SLC35F4: variants seen among roughly 807,000 people sequenced by gnomAD.
The protein encoded by SLC35F4 is solute carrier family 35 member F4.
In SLC35F4, 24 loss-of-function variants were observed where a neutral mutation model predicts 44.2. The ratio of observed to expected loss-of-function variants is 0.54; its 90% CI spans 0.39 to 0.76. The LOEUF is 0.76. Ranked by LOEUF, SLC35F4 falls within the 30% of genes least tolerant of loss-of-function variation. SLC35F4 has a pLI of 0.00. For missense variants in SLC35F4, 562 were observed against 586.1 expected, an observed-to-expected ratio of 0.96 and a Z score of 0.42; for synonymous variants, 238 against 223.6, an observed-to-expected ratio of 1.06 and a Z score of -0.57.
At chr14:57,944,698 AGAAAG>A (rs1273442657) in intron 1 of SLC35F4, among the ~76,000 whole-genome samples, 1 of 50,876 alleles carries the variant, frequency 2.0e-5, no homozygotes, top group Non-Finnish European at 4.6e-5. Flanking sequence ...AAGAAAGAAA[AGAAAG>A]AAAGAAAGAA....
intron 4 of SLC35F4, among the ~76,000 whole-genome samples, chr14:57,577,709 G>A (rs1028681189): frequency 2.0e-5 from 3 of 151,570 alleles, no homozygotes; most frequent in Admixed American, 1.3e-4. Context: ...TGGTTCTTAC[G>A]AATTTAAGAA....
At chr14:57,809,192 T>G (rs948880573) in intron 1 of SLC35F4, among the ~76,000 whole-genome samples, 5 of 152,198 alleles carry the variant, frequency 3.3e-5, no homozygotes, top group African/African-American at 4.8e-5. Context: ...ACTGTATCTG[T>G]GAAACCAAGG....
chr14:57,868,632 C>A (rs527823693), upstream of SLC35F4, among the ~76,000 whole-genome samples: 4 of 152,024 alleles, frequency 2.6e-5, no homozygotes, highest in Non-Finnish European at 4.4e-5. Flanking sequence ...CCCGACACCA[C>A]GCCCAGCTAA....
chr14:57,632,966 T>G (rs1025084318), intron 1 of SLC35F4, among the ~76,000 whole-genome samples: 1 of 152,096 alleles, frequency 6.6e-6, no homozygotes, highest in African/African-American at 2.4e-5. Context: ...TTCCAGAATG[T>G]CATATCATTG....
At chr14:57,904,447 C>T (rs993138824) in intron 1 of SLC35F4, among the ~76,000 whole-genome samples, 17 of 152,200 alleles carry the variant, frequency 1.1e-4, no homozygotes, top group Non-Finnish European at 1.9e-4. Flanking sequence ...CCATGTTCCA[C>T]TCCAAGATTG....
intron 1 of SLC35F4, among the ~76,000 whole-genome samples, chr14:57,731,498 C>G (rs2076343871): frequency 6.6e-6 from 1 of 152,106 alleles, no homozygotes; most frequent in Non-Finnish European, 1.5e-5. Context: ...TTTGCCAGAG[C>G]CTTTTTCTTT....
At chr14:57,838,177 T>C (rs900383235) in intron 1 of SLC35F4, among the ~76,000 whole-genome samples, 1 of 152,164 alleles carries the variant, frequency 6.6e-6, no homozygotes, top group Non-Finnish European at 1.5e-5. Context: ...AAAGGTTCTA[T>C]GAGCTCAGGT....
chr14:57,667,754 T>G (rs1378889799), intron 1 of SLC35F4, among the ~76,000 whole-genome samples: 1 of 151,668 alleles, frequency 6.6e-6, no homozygotes, highest in Non-Finnish European at 1.5e-5. Context: ...TTTGGGTTGG[T>G]TCCGAGTCTT....
chr14:57,714,597 C>G (rs760501169), intron 1 of SLC35F4, among the ~76,000 whole-genome samples: 1 of 152,088 alleles, frequency 6.6e-6, no homozygotes, highest in African/African-American at 2.4e-5. Flanking sequence ...AGAATGCAAA[C>G]GATATTGCCT....
intron 1 of SLC35F4, chr14:57,595,735 C>G (rs769002991): frequency 1.3e-5 from 2 of 152,144 alleles, no homozygotes; most frequent in East Asian, 3.9e-4. Context: ...TACTGAGTAC[C>G]TTTGATTTGT....
At chr14:57,669,559 A>G (rs1372796819) in intron 1 of SLC35F4, among the ~76,000 whole-genome samples, 1 of 152,042 alleles carries the variant, frequency 6.6e-6, no homozygotes, top group Non-Finnish European at 1.5e-5. Context: ...GAATTTTGTC[A>G]AAGGCCTTTT....
chr14:57,926,328 T>G (rs1326501120), intron 1 of SLC35F4, among the ~76,000 whole-genome samples: 1 of 152,202 alleles, frequency 6.6e-6, no homozygotes, highest in Non-Finnish European at 1.5e-5. Context: ...ATTTCTATGG[T>G]TTTTTTAGAA....
At chr14:57,706,913 A>G (rs571837533) in intron 1 of SLC35F4, among the ~76,000 whole-genome samples, 1 of 152,346 alleles carries the variant, frequency 6.6e-6, no homozygotes, top group East Asian at 1.9e-4. Context: ...GAGAGTCATT[A>G]CCAGATTCTG....
intron 1 of SLC35F4, among the ~76,000 whole-genome samples, chr14:57,877,018 A>G (rs2141030244): frequency 6.6e-6 from 1 of 150,492 alleles, no homozygotes; most frequent in Middle Eastern, 3.4e-3. Flanking sequence ...TCCAACTTGT[A>G]TTTTTGGTTC....
intron 1 of SLC35F4, among the ~76,000 whole-genome samples, chr14:57,707,652 G>T (rs762242670): frequency 6.6e-6 from 1 of 152,118 alleles, no homozygotes; most frequent in Non-Finnish European, 1.5e-5. Context: ...GTGGGACATT[G>T]GTAGAAGATA....
intron 1 of SLC35F4, among the ~76,000 whole-genome samples, chr14:57,709,409 C>T (rs1275498796): frequency 6.6e-6 from 1 of 152,032 alleles, no homozygotes; most frequent in Non-Finnish European, 1.5e-5. Context: ...CTGGTTTTTC[C>T]TAGGTTATGA....
chr14:57,594,334 T>A lies in SLC35F4; in HGVS notation c.104-210A>T, dbSNP rs139000597. ...CCTCCCAAGTAGCTCGAATTACAGG[T>A]GTGTGCTACCACACCCAGCTAATTT... On this transcript the variant is annotated intron_variant, in intron 1 of 7. Coordinates refer to ENST00000556826, the MANE Select transcript of SLC35F4 (RefSeq NM_001306087.2). 1.6e-3 allele frequency among the ~76,000 whole-genome samples: 245 copies of A among 152,212 alleles called. 2 individuals carry two copies. The highest frequency in any genetic ancestry group is 6.8e-3 in the Middle Eastern group (2 of 294).
At chr14:57,655,322 T>A (rs2073929621) in intron 1 of SLC35F4, among the ~76,000 whole-genome samples, 1 of 152,038 alleles carries the variant, frequency 6.6e-6, no homozygotes, top group African/African-American at 2.4e-5. Context: ...CTGCGCTGAG[T>A]GCTGGGGAGA....
chr14:57,671,610 T>G (rs1376931149), intron 1 of SLC35F4, among the ~76,000 whole-genome samples: 1 of 151,506 alleles, frequency 6.6e-6, no homozygotes, highest in Non-Finnish European at 1.5e-5. Context: ...GGGCCTTGGG[T>G]GGGATTCTGA....
Sources: gnomAD v4.1 joint callset for allele counts (sites outside exome capture counted in the v4.1 genomes callset) on GRCh38, gnomAD v4.1.1 for gene constraint, MANE v1.5 for transcripts, NCBI Gene and HGNC (gene_info 2026-07-23, HGNC 2026-07-21) for gene names.